DOP1B: variants seen among roughly 807,000 people sequenced by gnomAD.
DOP1B encodes protein DOP1B.
In DOP1B, 174 loss-of-function variants were observed where a neutral mutation model predicts 233.5. That is an observed-to-expected ratio of 0.75 (90% confidence interval 0.66 to 0.85). DOP1B has a LOEUF of 0.85. DOP1B is among the 40% of genes least tolerant of loss of function. The pLI, the probability that DOP1B is intolerant of heterozygous loss-of-function variation, is 0.00. For missense variants in DOP1B, 2,652 were observed against 2,846.6 expected, an observed-to-expected ratio of 0.93 and a Z score of 1.56; for synonymous variants, 1,190 against 1,185.6, an observed-to-expected ratio of 1.00 and a Z score of -0.08.
At chr21:36,157,278 A>T (rs2123372905) in intron 1 of DOP1B, among the ~76,000 whole-genome samples, 1 of 142,888 alleles carries the variant, frequency 7.0e-6, no homozygotes, top group African/African-American at 2.5e-5. Context: ...GTGCAGGTCC[A>T]GGGGTGGGTC....
intron 24 of DOP1B, among the ~76,000 whole-genome samples, chr21:36,262,903 TA>T (rs200151405): frequency 0.03 from 3,887 of 129,772 alleles, 73 homozygotes; most frequent in Non-Finnish European, 0.043. Flanking sequence ...AAAACAATAA[TA>T]AAATAAATAA....
At chr21:36,235,683 G>A (rs1385706387) in intron 15 of DOP1B, among the ~76,000 whole-genome samples, 3 of 152,028 alleles carry the variant, frequency 2.0e-5, no homozygotes, top group African/African-American at 4.8e-5. Flanking sequence ...AGTTGACATC[G>A]TGCCACTGCA....
intron 2 of DOP1B, among the ~76,000 whole-genome samples, chr21:36,179,444 A>G (rs2242812): frequency 0.16 from 24,646 of 152,170 alleles, 2,320 homozygotes; most frequent in South Asian, 0.22. Flanking sequence ...TACATGACAG[A>G]TGATTAGAAA....
chr21:36,222,991 G>A (rs998799091), intron 10 of DOP1B, among the ~76,000 whole-genome samples: 26 of 152,114 alleles, frequency 1.7e-4, no homozygotes, highest in African/African-American at 5.6e-4. Flanking sequence ...GATTACAGGT[G>A]TGAGCCACCG....
intron 1 of DOP1B, among the ~76,000 whole-genome samples, chr21:36,163,787 G>T (rs778288121): frequency 8.5e-5 from 13 of 152,200 alleles, no homozygotes; most frequent in Non-Finnish European, 1.6e-4. Context: ...ACAGCATCCG[G>T]GGTTGGCATG....
At chr21:36,187,059 A>C (rs2066172781) in intron 2 of DOP1B, among the ~76,000 whole-genome samples, 1 of 151,938 alleles carries the variant, frequency 6.6e-6, no homozygotes. Context: ...GAACCTGCCA[A>C]GGTGCCAGGG....
chr21:36,250,250 A>G (rs1175173436), intron 21 of DOP1B, among the ~76,000 whole-genome samples: 1 of 152,178 alleles, frequency 6.6e-6, no homozygotes. Flanking sequence ...TGAAATAAAC[A>G]TGGGCGGTTG....
chr21:36,217,874 G>A (rs1176199499), intron 9 of DOP1B, among the ~76,000 whole-genome samples: 2 of 152,202 alleles, frequency 1.3e-5, no homozygotes, highest in Non-Finnish European at 2.9e-5. Context: ...ATATAACTTA[G>A]CATTCTGGAG....
At chr21:36,174,824 C>T (rs1405146867) in intron 2 of DOP1B, among the ~76,000 whole-genome samples, 1 of 152,144 alleles carries the variant, frequency 6.6e-6, no homozygotes, top group East Asian at 1.9e-4. Flanking sequence ...TTACCCCTGC[C>T]TGAATCAACT....
At chr21:36,241,681 T>C (rs2066893103) in intron 18 of DOP1B, among the ~76,000 whole-genome samples, 1 of 132,694 alleles carries the variant, frequency 7.5e-6, no homozygotes, top group East Asian at 2.7e-4. Flanking sequence ...GCTAATTTTT[T>C]TTTCTTTCTT....
At chr21:36,228,028 T>G (rs2066713739) in intron 13 of DOP1B, 151 bp downstream of exon 13, 2 of 817,616 alleles carry the variant, frequency 2.4e-6, no homozygotes, top group East Asian at 5.6e-5. Flanking sequence ...AACCCTCACT[T>G]TAAAAGGTTT....
rs777602234 is a variant in DOP1B, at chr21:36,245,239, G to A, written c.3259G>A (p.Glu1087Lys). 3 of 1,614,148 alleles carry A rather than the reference G, an allele frequency of 1.9e-6. No homozygotes were observed. Among genetic ancestry groups the A allele is most frequent in the Non-Finnish European group, 1.7e-6 (2 of 1,180,048 alleles). The stretch of plus-strand genomic sequence containing the variant: ...CCCGCTGCGAGGCGAGCTGAGCGAG[G>A]AAGAGCTGCCCTACTACGTGGAGCT... ...KYPLRGELSEEELPYYVELPD... is the reference protein window; with the variant it reads ...KYPLRGELSEKELPYYVELPD... Residue 1087 changes from glutamate to lysine, a missense_variant, in exon 19 of 37, where the codon GAA becomes AAA. By Grantham distance (56) the Glu-to-Lys change is moderately conservative. Coordinates refer to ENST00000691173, the MANE Select transcript of DOP1B (RefSeq NM_001320714.2). This position sits in a 1 kb window ranked among gnomAD's most constrained non-coding sequence, Gnocchi z 5.5.
chr21:36,203,646 G>GGC (rs1555888954), intron 4 of DOP1B, among the ~76,000 whole-genome samples: 1 of 151,944 alleles, frequency 6.6e-6, no homozygotes, highest in African/African-American at 2.4e-5. Context: ...GGGTGCAGTG[G>GGC]GGGGGGTCAT....
At chr21:36,196,552 C>T (rs898558077) in intron 2 of DOP1B, among the ~76,000 whole-genome samples, 11 of 151,118 alleles carry the variant, frequency 7.3e-5, no homozygotes, top group African/African-American at 2.4e-4. Context: ...GGAACATAAG[C>T]ACATTTTTTC....
chr21:36,287,951 TTGTC>T lies in DOP1B; in HGVS notation c.6161-60_6161-57del, dbSNP rs1360961351. The T allele has an allele frequency of 1.9e-6, 3 of 1,555,254 alleles. No individual in the cohort carries two copies. In the Admixed American group the frequency reaches 6.0e-5, roughly 31 times the overall value. ...AGAACAGTCACAGTTTTATTTTTCT[TTGTC>T]TGATAAGAAACCCTAAACTGCATAT... is the stretch of plus-strand genomic sequence containing the variant. On this transcript the variant is annotated intron_variant, in intron 32 of 36. Transcript: ENST00000691173.
At chr21:36,228,488 T>C (rs2066718512) in intron 13 of DOP1B, among the ~76,000 whole-genome samples, 2 of 150,630 alleles carry the variant, frequency 1.3e-5, no homozygotes, top group African/African-American at 4.9e-5. Flanking sequence ...AAATAAGGGC[T>C]GGGCGCGGTG....
In DOP1B at chr21:36,249,702, C is replaced by T. The variant is rs551313420; in HGVS notation, c.4998+1134C>T. Among the ~76,000 whole-genome samples, 13 of 152,252 alleles carry T rather than the reference C, an allele frequency of 8.5e-5. No individual in the cohort carries two copies. In the South Asian group the frequency reaches 1.7e-3, roughly 19 times the overall value. ...CTCAGAAGGCTGTAGGCGCAGGACT[C>T]GGTCGCTCACCATCTGTGTTACTGT... On this transcript the variant is annotated intron_variant, in intron 21 of 36. Coordinates refer to ENST00000691173, the MANE Select transcript of DOP1B (RefSeq NM_001320714.2).
intron 11 of DOP1B, among the ~76,000 whole-genome samples, chr21:36,225,201 T>A (rs1185041115): frequency 6.6e-6 from 1 of 152,082 alleles, no homozygotes; most frequent in Non-Finnish European, 1.5e-5. Context: ...TTGTAAGAAA[T>A]GCTTGGACTT....
chr21:36,278,987 C>G (rs2284641), intron 30 of DOP1B, among the ~76,000 whole-genome samples: 69,893 of 151,836 alleles, frequency 0.46, 16,525 homozygotes, highest in African/African-American at 0.56. Flanking sequence ...ACTGGGTGAC[C>G]CTGGGGGTGT....
Sources: gnomAD v4.1 joint callset for allele counts (sites outside exome capture counted in the v4.1 genomes callset) on GRCh38, gnomAD v4.1.1 for gene constraint, Gnocchi (gnomAD v3.1) non-coding constraint, MANE v1.5 for transcripts, NCBI Gene and HGNC (gene_info 2026-07-23, HGNC 2026-07-21) for gene names.